PCDH11X: variants seen among roughly 807,000 people sequenced by gnomAD.
PCDH11X encodes the protein protocadherin 11 X-linked.
In PCDH11X, 18 loss-of-function variants were observed where a neutral mutation model predicts 53.3. The observed-to-expected ratio is 0.34, with a 90% CI of 0.23 to 0.50. The LOEUF (loss-of-function observed/expected upper bound fraction) is 0.50. PCDH11X is among the 20% of genes least tolerant of loss of function. The pLI, the probability that PCDH11X is intolerant of heterozygous loss-of-function variation, is 0.98. For synonymous variants in PCDH11X, 279 were observed against 393.3 expected, an observed-to-expected ratio of 0.71 and a Z score of 3.44; for missense variants, 570 against 1,032.4, an observed-to-expected ratio of 0.55 and a Z score of 6.14.
At chrX:92,584,629 C>T (rs1395803817) in intron 10 of PCDH11X, among the ~76,000 whole-genome samples, 3 of 108,703 alleles carry the variant, frequency 2.8e-5, no homozygotes, top group African/African-American at 1.0e-4. Context: ...AAAAATATTC[C>T]CCTAAAGAAA....
intron 5 of PCDH11X, among the ~76,000 whole-genome samples, chrX:91,854,097 G>A (rs1938186420): frequency 9.0e-6 from 1 of 110,885 alleles, no homozygotes; most frequent in Non-Finnish European, 1.9e-5. Flanking sequence ...GCAAACGCTA[G>A]GTCTTATTCA....
chrX:91,953,795 A>C (rs778374154), intron 6 of PCDH11X, among the ~76,000 whole-genome samples: 2 of 109,991 alleles, frequency 1.8e-5, no homozygotes, highest in Non-Finnish European at 3.8e-5. Flanking sequence ...TCTAGAAGTC[A>C]GAGAGTTTCT....
At chrX:92,008,990 A>G (rs2062646204) in intron 6 of PCDH11X, among the ~76,000 whole-genome samples, 1 of 112,099 alleles carries the variant, frequency 8.9e-6, no homozygotes, top group Admixed American at 9.5e-5. Context: ...AACAAACTCA[A>G]AATAAAACGA....
chrX:91,836,568 T>A (rs1160150341), intron 5 of PCDH11X, among the ~76,000 whole-genome samples: 1 of 110,515 alleles, frequency 9.0e-6, no homozygotes, highest in South Asian at 3.8e-4. Context: ...TTCATGAGGA[T>A]TTCAAGGTAA....
intron 8 of PCDH11X, among the ~76,000 whole-genome samples, chrX:92,291,554 G>A (rs1420683917): frequency 2.1e-5 from 2 of 93,624 alleles, no homozygotes; most frequent in African/African-American, 8.0e-5. Context: ...GTTAAAAATG[G>A]GTATGAGGTC....
intron 6 of PCDH11X, among the ~76,000 whole-genome samples, chrX:92,104,558 G>A (rs191017574): frequency 1.7e-4 from 19 of 111,091 alleles, no homozygotes; most frequent in African/African-American, 5.9e-4. Flanking sequence ...AACTACTGTC[G>A]AGTTTGTATT....
intron 6 of PCDH11X, among the ~76,000 whole-genome samples, chrX:92,022,288 A>G (rs2148000983): frequency 9.2e-6 from 1 of 108,968 alleles, no homozygotes; most frequent in East Asian, 3.0e-4. Context: ...CCCACATGCA[A>G]AGACACACAT....
At chrX:91,780,120 G>A (rs987175538) in intron 1 of PCDH11X, among the ~76,000 whole-genome samples, 1 of 111,909 alleles carries the variant, frequency 8.9e-6, no homozygotes, top group Admixed American at 9.4e-5. Context: ...TGAGAGATTG[G>A]AGCTGAGGGG....
At chrX:92,590,287 C>G (rs901378565) in intron 10 of PCDH11X, among the ~76,000 whole-genome samples, 13 of 111,401 alleles carry the variant, frequency 1.2e-4, no homozygotes, top group African/African-American at 4.3e-4. Flanking sequence ...CTATTAAACT[C>G]TTTCCTGCAA....
At chrX:91,875,987 C>T (rs892047890) in intron 5 of PCDH11X, among the ~76,000 whole-genome samples, 119 of 111,487 alleles carry the variant, frequency 1.1e-3, no homozygotes, top group African/African-American at 3.7e-3. Flanking sequence ...CTGAAATCTA[C>T]AGTAAAAAAT....
chrX:91,846,071 A>C (rs1251167426), intron 5 of PCDH11X, among the ~76,000 whole-genome samples: 1 of 111,689 alleles, frequency 9.0e-6, no homozygotes, highest in Non-Finnish European at 1.9e-5. Context: ...TGAAGCAAAA[A>C]AAAAATGATT....
chrX:92,366,417 T>TA lies in PCDH11X; in HGVS notation c.3145-21311dup, dbSNP rs750193091. Among the ~76,000 whole-genome samples the TA allele has an allele frequency of 4.5e-5, 5 of 111,007 alleles. No homozygotes were observed. In the South Asian group the frequency reaches 1.9e-3, roughly 43 times the overall value. On this transcript the variant is annotated intron_variant, in intron 8 of 10. Transcript: ENST00000682573. ...TCTAGCTAGCAGTCTATCTGTTTTT[T>TA]AAAAAAATCTTTTCATAAAACCGGT...
intron 10 of PCDH11X, among the ~76,000 whole-genome samples, chrX:92,614,935 A>G (rs1392064583): frequency 1.8e-5 from 2 of 111,726 alleles, no homozygotes; most frequent in East Asian, 5.7e-4. Flanking sequence ...ATCTCTGCAT[A>G]GTAGGGGTGA....
intron 4 of PCDH11X, among the ~76,000 whole-genome samples, chrX:91,818,573 C>G (rs1318354296): frequency 9.1e-6 from 1 of 109,645 alleles, no homozygotes; most frequent in African/African-American, 3.3e-5. Context: ...GGCATGGTGG[C>G]ACAAGCCTGT....
At chrX:92,289,586 A>G (rs1204191474) in intron 8 of PCDH11X, among the ~76,000 whole-genome samples, 1 of 111,635 alleles carries the variant, frequency 9.0e-6, no homozygotes, top group Non-Finnish European at 1.9e-5. Flanking sequence ...AGGGCTGAGT[A>G]CTATTGGGTT....
chrX:92,594,424 G>C (rs906128534), intron 10 of PCDH11X, among the ~76,000 whole-genome samples: 1 of 110,253 alleles, frequency 9.1e-6, no homozygotes, highest in Admixed American at 9.7e-5. Context: ...TCTTTTTTGG[G>C]CTGTATTTGC....
At chrX:91,983,247 C>A in intron 6 of PCDH11X, 10 of 845,084 alleles carry the variant, frequency 1.2e-5, no homozygotes, top group Non-Finnish European at 1.8e-5. Context: ...TGATCTTCCA[C>A]AGTCATCTCG....
At chrX:92,065,824 T>C (rs1430254501) in intron 6 of PCDH11X, among the ~76,000 whole-genome samples, 1 of 108,548 alleles carries the variant, frequency 9.2e-6, no homozygotes, top group Non-Finnish European at 1.9e-5. Context: ...CCTCACTTAG[T>C]TGATAATATA....
In PCDH11X at chrX:92,602,551, C is replaced by T. The variant is rs867963810; in HGVS notation, c.3368-15713C>T. Among the ~76,000 whole-genome samples, 10 of 107,889 alleles carry T rather than the reference C, an allele frequency of 9.3e-5. No individual in the cohort carries two copies. The South Asian group carries it at 2.1e-3, about 23-fold the overall frequency. 93.7% of individuals were successfully genotyped at this position (107,889 alleles called of 115,157 possible). Reference sequence around the variant, plus strand: ...TGAGTGGAGCCTAACTGGCTGAGAACGGATACCAAATGAAGCAAGTAGTTT... The same window carrying T: ...TGAGTGGAGCCTAACTGGCTGAGAATGGATACCAAATGAAGCAAGTAGTTT... On this transcript the variant is annotated intron_variant, in intron 10 of 10. Transcript: ENST00000682573.
Sources: allele counts gnomAD v4.1 joint callset (sites outside exome capture counted in the v4.1 genomes callset), GRCh38; gene constraint gnomAD v4.1.1; transcripts MANE v1.5; gene names NCBI Gene and HGNC (gene_info 2026-07-23, HGNC 2026-07-21).